PWP1: variants seen among roughly 807,000 people sequenced by gnomAD.
PWP1 encodes PWP1 homolog, endonuclein.
In PWP1, 47 loss-of-function variants were observed where a neutral mutation model predicts 69.9. The ratio of observed to expected loss-of-function variants is 0.67; its 90% CI spans 0.53 to 0.86. PWP1 has a LOEUF of 0.86. Ranked by LOEUF, PWP1 falls within the 40% of genes least tolerant of loss-of-function variation. The pLI, the probability that PWP1 is intolerant of heterozygous loss-of-function variation, is 0.00. For synonymous variants in PWP1, 222 were observed against 208.2 expected, an observed-to-expected ratio of 1.07 and a Z score of -0.57; for missense variants, 551 against 608.8, an observed-to-expected ratio of 0.91 and a Z score of 1.00.
rs202156889 is a variant in PWP1, at chr12:107,688,624, T to C, written c.141T>C (p.Gly47=). ...CTTTCTGTGCTCATAGAGAAGAAGG[T>C]GGTGGCAGTGATGAAGAGGAGACAG... ...AEAKEKLQEE[G]GGSDEEETGS... Residue 47 remains glycine, a synonymous_variant, in exon 3 of 15, where the codon GGT becomes GGC. Coordinates refer to ENST00000412830, the MANE Select transcript of PWP1 (RefSeq NM_007062.3). 6.1e-5 allele frequency: 99 copies of C among 1,613,788 alleles called. No individual in the cohort carries two copies. In the South Asian group the frequency reaches 9.8e-4, roughly 16 times the overall value.
chr12:107,694,351 T>A (rs913222367), intron 5 of PWP1, among the ~76,000 whole-genome samples: 23 of 152,182 alleles, frequency 1.5e-4, no homozygotes, highest in African/African-American at 5.5e-4. Context: ...GTCCTTTTGT[T>A]ATAGGAAACA....
intron 14 of PWP1, 146 bp downstream of exon 14, chr12:107,710,656 G>C: frequency 7.6e-7 from 1 of 1,313,224 alleles, no homozygotes; most frequent in Non-Finnish European, 1.0e-6. Flanking sequence ...CTGTATAGCT[G>C]GGATTACAGG....
chr12:107,688,762 T>C lies in PWP1; in HGVS notation c.279T>C (p.Ala93=). ...DDRTLDDDEL[A]EYDLDKYDEE... is the part of the protein sequence containing the mutation. ...GGACGCTTGATGATGATGAGCTGGC[T>C]GAGTACGACTTAGATAAATATGATG... The change falls in exon 3 of 15, where the codon GCT becomes GCC. Residue 93 remains alanine (A), a synonymous_variant. Coordinates refer to ENST00000412830, the MANE Select transcript of PWP1 (RefSeq NM_007062.3). 1 of 1,614,182 alleles carries C rather than the reference T, an allele frequency of 6.2e-7. No homozygotes were observed. Among genetic ancestry groups the C allele is most frequent in the Non-Finnish European group, 8.5e-7 (1 of 1,180,026 alleles).
At chr12:107,709,340 T>C in intron 13 of PWP1, 108 bp downstream of exon 13, 1 of 1,361,112 alleles carries the variant, frequency 7.3e-7, no homozygotes, top group Non-Finnish European at 1.0e-6. Flanking sequence ...CATTAACAAA[T>C]ATGGATGTGT....
intron 5 of PWP1, among the ~76,000 whole-genome samples, chr12:107,693,707 A>G (rs1889529259): frequency 6.6e-6 from 1 of 152,164 alleles, no homozygotes; most frequent in South Asian, 2.1e-4. Context: ...ACTGTACTCC[A>G]GCCTGGGTGA....
At chr12:107,711,635 C>T (rs189663917) in intron 14 of PWP1, among the ~76,000 whole-genome samples, 2 of 152,256 alleles carry the variant, frequency 1.3e-5, no homozygotes, top group Non-Finnish European at 2.9e-5. Context: ...TAGTCTGGTG[C>T]GTTCTACAAA....
intron 8 of PWP1, 31 bp downstream of exon 8, chr12:107,699,465 A>G: frequency 6.4e-7 from 1 of 1,563,922 alleles, no homozygotes; most frequent in Middle Eastern, 1.7e-4. Context: ...AATGATTGTA[A>G]AAGACTGTAG....
At chr12:107,711,773 GT>G (rs796988252) in intron 14 of PWP1, among the ~76,000 whole-genome samples, 31 of 152,040 alleles carry the variant, frequency 2.0e-4, no homozygotes, top group African/African-American at 7.0e-4. Context: ...GAAAAGTTCT[GT>G]GCCGGTTATG....
At chr12:107,703,115 G>GC in intron 9 of PWP1, 84 bp downstream of exon 9, 2 of 982,886 alleles carry the variant, frequency 2.0e-6, no homozygotes, top group South Asian at 2.7e-5. Flanking sequence ...TTTATATATG[G>GC]CTTTGAAAAT....
intron 13 of PWP1, 36 bp from the exon 14 acceptor site, chr12:107,710,369 G>T: frequency 6.2e-7 from 1 of 1,609,108 alleles, no homozygotes; most frequent in South Asian, 1.1e-5. Flanking sequence ...GCTTTCTGAA[G>T]AGATTGAAAT....
intron 8 of PWP1, among the ~76,000 whole-genome samples, chr12:107,702,470 G>A (rs918654201): frequency 2.0e-5 from 3 of 151,964 alleles, no homozygotes; most frequent in Non-Finnish European, 4.4e-5. Flanking sequence ...ATAGAGAAGG[G>A]GTTTCACCAT....
intron 8 of PWP1, among the ~76,000 whole-genome samples, chr12:107,702,291 T>G (rs1244475356): frequency 2.0e-5 from 3 of 152,116 alleles, no homozygotes; most frequent in Admixed American, 6.6e-5. Context: ...CCTGTTTTGT[T>G]TTGTTTTGAG....
At chr12:107,711,843 G>T (rs150402979) in intron 14 of PWP1, among the ~76,000 whole-genome samples, 1 of 152,302 alleles carries the variant, frequency 6.6e-6, no homozygotes, top group African/African-American at 2.4e-5. Context: ...AAGGCCAGGA[G>T]AGGGTCACTT....
At position 107,697,588 on chromosome 12, in the gene PWP1, A is replaced by G. The variant is rs1347623147; in HGVS notation, c.735A>G (p.Lys245=). 1 of 1,601,292 alleles carries G rather than the reference A, an allele frequency of 6.2e-7. No homozygotes were observed. Among genetic ancestry groups the G allele is most frequent in the Non-Finnish European group, 8.5e-7 (1 of 1,175,934 alleles). ...AACTTTCAAAAAAGAAGAAAAAGAA[A>G]GGAAAGAAGGTAAAGAAGTTAATAA... ...GSKLSKKKKK[K]GKKSSSAEGH... Residue 245 remains lysine (K), a synonymous_variant, in exon 7 of 15, where the codon AAA becomes AAG. Transcript: ENST00000412830.
At chr12:107,695,338 T>C (rs1231647497) in intron 5 of PWP1, among the ~76,000 whole-genome samples, 1 of 152,198 alleles carries the variant, frequency 6.6e-6, no homozygotes, top group African/African-American at 2.4e-5. Context: ...GAGGTTTTTG[T>C]AGAACCACAG....
chr12:107,703,724 C>G lies in PWP1; in HGVS notation c.943C>G (p.Leu315Val). The G allele has an allele frequency of 2.5e-6, 4 of 1,604,922 alleles. No individual in the cohort carries two copies. The highest frequency in any genetic ancestry group is 3.4e-6 in the Non-Finnish European group (4 of 1,171,726). The change falls in exon 10 of 15, where the codon CTG becomes GTG. Residue 315 changes from leucine (L) to valine (V), a missense_variant. Leu to Val is a conservative substitution (Grantham distance 32). Coordinates refer to ENST00000412830, the MANE Select transcript of PWP1 (RefSeq NM_007062.3). ...GTTTCATCCATTTGAAGCACAGACT[C>G]TGATTTCTGGCTCATATGATAAGTA... is the stretch of plus-strand genomic sequence containing the variant. ...LQFHPFEAQTLISGSYDKSVA... is the reference protein window; with the variant it reads ...LQFHPFEAQTVISGSYDKSVA...
At chr12:107,700,327 C>G (rs1889681733) in intron 8 of PWP1, among the ~76,000 whole-genome samples, 1 of 152,170 alleles carries the variant, frequency 6.6e-6, no homozygotes, top group Non-Finnish European at 1.5e-5. Flanking sequence ...CAGCTCTGCC[C>G]TTTAAACACT....
At chr12:107,709,321 G>C in intron 13 of PWP1, 89 bp downstream of exon 13, 2 of 1,477,772 alleles carry the variant, frequency 1.4e-6, no homozygotes, top group South Asian at 2.5e-5. Context: ...TTTTCTGTTG[G>C]AACTATTGCA....
chr12:107,708,495 A>G (rs1333078944), intron 11 of PWP1, among the ~76,000 whole-genome samples: 1 of 152,080 alleles, frequency 6.6e-6, no homozygotes, highest in Non-Finnish European at 1.5e-5. Context: ...TCCTTATCTG[A>G]TTGAATTTCT....
Sources: gnomAD v4.1 joint callset for allele counts (sites outside exome capture counted in the v4.1 genomes callset) on GRCh38, gnomAD v4.1.1 for gene constraint, MANE v1.5 for transcripts, NCBI Gene and HGNC (gene_info 2026-07-23, HGNC 2026-07-21) for gene names.